The following GRIK2 variants were observed in gnomAD, a reference collection of about 807,000 sequenced individuals.
GRIK2 encodes glutamate receptor ionotropic, kainate 2.
GRIK2 carries 32 observed loss-of-function variants against 100.3 expected under a neutral mutation model. That is an observed-to-expected ratio of 0.32 (90% CI 0.24 to 0.43). The LOEUF is 0.43. GRIK2 is among the 20% of genes least tolerant of loss of function. The pLI, the probability that GRIK2 is intolerant of heterozygous loss-of-function variation, is 1.00. For missense variants in GRIK2, 843 were observed against 1,114.9 expected (o/e 0.76, Z 3.47); for synonymous variants, 417 against 389.4 (o/e 1.07, Z -0.83).
intron 9 of GRIK2, among the ~76,000 whole-genome samples, chr6:101,805,610 A>C (rs1462413866): frequency 6.6e-6 from 1 of 152,000 alleles, no homozygotes; most frequent in Non-Finnish European, 1.5e-5. Context: ...ATCTTCTAAC[A>C]AATATGGAAG....
intron 2 of GRIK2, among the ~76,000 whole-genome samples, chr6:101,448,664 G>T (rs1359639446): frequency 1.3e-5 from 2 of 151,692 alleles, no homozygotes; most frequent in South Asian, 2.1e-4. Flanking sequence ...TGAAAGGAAA[G>T]AAGTGGGTTT....
chr6:101,467,473 C>T (rs1235017291), intron 2 of GRIK2, among the ~76,000 whole-genome samples: 1 of 152,096 alleles, frequency 6.6e-6, no homozygotes, highest in Non-Finnish European at 1.5e-5. Context: ...ACAAAGTTTC[C>T]AGAGCCTCTA....
chr6:101,744,779 C>G (rs1389180875), intron 7 of GRIK2: 1 of 151,360 alleles, frequency 6.6e-6, no homozygotes, highest in African/African-American at 2.4e-5. Flanking sequence ...TGGGGTTTCT[C>G]TATGTTGGTC....
chr6:101,764,946 T>A (rs1052698397), intron 7 of GRIK2, among the ~76,000 whole-genome samples: 1 of 152,120 alleles, frequency 6.6e-6, no homozygotes, highest in Non-Finnish European at 1.5e-5. Flanking sequence ...TATTACTTAT[T>A]ACCTTCTCCA....
chr6:101,698,006 G>A (rs1772618248), intron 7 of GRIK2, among the ~76,000 whole-genome samples: 1 of 152,024 alleles, frequency 6.6e-6, no homozygotes, highest in Non-Finnish European at 1.5e-5. Context: ...AGGATCTTTT[G>A]ATCCCTGTTT....
intron 11 of GRIK2, among the ~76,000 whole-genome samples, chr6:101,875,199 G>C (rs1041453677): frequency 6.6e-6 from 1 of 151,898 alleles, no homozygotes; most frequent in Admixed American, 6.6e-5. Context: ...TTTAATCTGA[G>C]TGTAACAAGG....
At chr6:101,917,948 C>T (rs1426999410) in intron 12 of GRIK2, among the ~76,000 whole-genome samples, 5 of 151,194 alleles carry the variant, frequency 3.3e-5, no homozygotes, top group Non-Finnish European at 7.4e-5. Context: ...TTTGTTTATA[C>T]TTGATTTTGA....
chr6:101,447,609 A>T (rs772343213), intron 2 of GRIK2, among the ~76,000 whole-genome samples: 9 of 151,682 alleles, frequency 5.9e-5, no homozygotes, highest in Non-Finnish European at 8.9e-5. Flanking sequence ...TATGTCAGGG[A>T]ACATTAGAAG....
intron 12 of GRIK2, among the ~76,000 whole-genome samples, chr6:101,896,147 C>A (rs1399805242): frequency 6.6e-6 from 1 of 151,516 alleles, no homozygotes; most frequent in African/African-American, 2.4e-5. Context: ...GTGGAGTCAC[C>A]AACCCAGAAA....
At chr6:101,973,622 T>A (rs1316190420) in intron 14 of GRIK2, among the ~76,000 whole-genome samples, 1 of 151,896 alleles carries the variant, frequency 6.6e-6, no homozygotes, top group Non-Finnish European at 1.5e-5. Context: ...TACTACCAAT[T>A]ATAAGATTGT....
At chr6:101,591,476 T>G (rs78529663) in intron 2 of GRIK2, among the ~76,000 whole-genome samples, 14 of 152,142 alleles carry the variant, frequency 9.2e-5, no homozygotes, top group South Asian at 2.1e-4. Context: ...AATATTAAAC[T>G]ATGAACCTTT....
chr6:101,997,217 A>G (rs1437092662), intron 14 of GRIK2, among the ~76,000 whole-genome samples: 1 of 152,062 alleles, frequency 6.6e-6, no homozygotes, highest in Non-Finnish European at 1.5e-5. Flanking sequence ...CCTAAGTTGC[A>G]CTATTATTAG....
At chr6:102,052,147 C>A (rs1374132790) in intron 15 of GRIK2, among the ~76,000 whole-genome samples, 1 of 152,148 alleles carries the variant, frequency 6.6e-6, no homozygotes, top group Admixed American at 6.6e-5. Context: ...CCACATTTGA[C>A]TTCAGCTGGC....
At chr6:101,634,788 C>T (rs543686931) in intron 4 of GRIK2, among the ~76,000 whole-genome samples, 1 of 150,828 alleles carries the variant, frequency 6.6e-6, no homozygotes, top group Non-Finnish European at 1.5e-5. Flanking sequence ...ATGATACGAT[C>T]ACAGGAAAAA....
At chr6:101,957,899 A>G (rs1455252012) in intron 14 of GRIK2, among the ~76,000 whole-genome samples, 1 of 152,002 alleles carries the variant, frequency 6.6e-6, no homozygotes, top group Non-Finnish European at 1.5e-5. Flanking sequence ...GTCTCTATTT[A>G]TACCAGCACC....
intron 2 of GRIK2, among the ~76,000 whole-genome samples, chr6:101,611,637 T>G (rs1009457262): frequency 1.3e-5 from 2 of 151,766 alleles, no homozygotes; most frequent in Non-Finnish European, 2.9e-5. Context: ...CAAAAATACC[T>G]GTTGTTTCAT....
intron 2 of GRIK2, among the ~76,000 whole-genome samples, chr6:101,448,417 T>A (rs185237904): frequency 6.6e-6 from 1 of 151,744 alleles, no homozygotes; most frequent in Admixed American, 6.6e-5. Context: ...ATTTAGTCAA[T>A]CAAATTGTGC....
chr6:101,538,268 T>A (rs1053668361), intron 2 of GRIK2, among the ~76,000 whole-genome samples: 1 of 151,702 alleles, frequency 6.6e-6, no homozygotes, highest in East Asian at 1.9e-4. Flanking sequence ...GGCACACATA[T>A]AAATTTGACA....
chr6:101,440,016 G>A (rs1769955158), intron 2 of GRIK2, among the ~76,000 whole-genome samples: 1 of 152,102 alleles, frequency 6.6e-6, no homozygotes, highest in Non-Finnish European at 1.5e-5. Flanking sequence ...GACCACTTCG[G>A]TGAGGTTATG....
Sources: gnomAD v4.1 joint callset for allele counts (sites outside exome capture counted in the v4.1 genomes callset) on GRCh38, gnomAD v4.1.1 for gene constraint, MANE v1.5 for transcripts, NCBI Gene and HGNC (gene_info 2026-07-23, HGNC 2026-07-21) for gene names.